IL1RAPL1: variants seen among roughly 807,000 people sequenced by gnomAD.
IL1RAPL1 encodes the protein interleukin-1 receptor accessory protein-like 1.
IL1RAPL1 carries 3 observed loss-of-function variants against 48.4 expected under a neutral mutation model. The observed-to-expected ratio is 0.06, with a 90% CI of 0.03 to 0.16. The LOEUF is 0.16. Ranked by LOEUF, IL1RAPL1 falls within the 10% of genes least tolerant of loss-of-function variation. The pLI, the probability that IL1RAPL1 is intolerant of heterozygous loss-of-function variation, is 1.00. For synonymous variants in IL1RAPL1, 185 were observed against 187.7 expected (o/e 0.99, Z 0.12); for missense variants, 349 against 530.6 (o/e 0.66, Z 3.36).
intron 6 of IL1RAPL1, among the ~76,000 whole-genome samples, chrX:29,879,127 A>G (rs1299920377): frequency 1.8e-5 from 2 of 111,536 alleles, no homozygotes; most frequent in Non-Finnish European, 3.8e-5. Flanking sequence ...GATCTCAAAG[A>G]CATTAGGATG....
intron 2 of IL1RAPL1, among the ~76,000 whole-genome samples, chrX:29,133,743 A>G (rs1306368679): frequency 5.4e-5 from 6 of 111,836 alleles, no homozygotes; most frequent in Admixed American, 2.9e-4. Flanking sequence ...GTACAATTCT[A>G]TGCATTTTGA....
rs1468650976 is a variant in IL1RAPL1 at position 28,643,447 on chromosome X, C to T, written c.-25+55400C>T. The stretch of plus-strand genomic sequence containing the variant: ...CACGTCTACAATATCCTATTAGTTA[C>T]AAGATGAAACCTATTCAATGTGTGA... On this transcript the variant is annotated intron_variant, in intron 1 of 10. Transcript: ENST00000378993. Among the ~76,000 whole-genome samples, 44 of 111,179 alleles carry T rather than the reference C, an allele frequency of 4.0e-4. 1 individual carries two copies. The highest frequency in any genetic ancestry group is 1.9e-5 in the Non-Finnish European group (1 of 53,044).
intron 2 of IL1RAPL1, among the ~76,000 whole-genome samples, chrX:28,937,020 C>G (rs1457813182): frequency 9.0e-6 from 1 of 111,015 alleles, no homozygotes; most frequent in Non-Finnish European, 1.9e-5. Context: ...CTAGCATAGT[C>G]ATTTATGCAG....
At chrX:29,911,559 C>T (rs1406462876) in intron 6 of IL1RAPL1, among the ~76,000 whole-genome samples, 1 of 111,975 alleles carries the variant, frequency 8.9e-6, no homozygotes, top group Non-Finnish European at 1.9e-5. Context: ...TAACACTTGG[C>T]TCTAAATGTA....
At chrX:29,100,883 A>G (rs1220226400) in intron 2 of IL1RAPL1, among the ~76,000 whole-genome samples, 1 of 112,250 alleles carries the variant, frequency 8.9e-6, no homozygotes, top group Non-Finnish European at 1.9e-5. Context: ...CTCAATAAAT[A>G]GTAACTATTA....
chrX:29,807,385 C>T (rs1215556794), intron 6 of IL1RAPL1, among the ~76,000 whole-genome samples: 2 of 108,859 alleles, frequency 1.8e-5, no homozygotes, highest in Non-Finnish European at 3.8e-5. Flanking sequence ...GAGGCTGAGA[C>T]GGGCAAATCA....
chrX:29,597,342 G>A (rs1342568248), intron 5 of IL1RAPL1, among the ~76,000 whole-genome samples: 6 of 109,583 alleles, frequency 5.5e-5, no homozygotes, highest in Non-Finnish European at 7.6e-5. Context: ...TAGTAGAGAC[G>A]GGGTTTCTCC....
At chrX:29,025,043 T>C (rs766451879) in intron 2 of IL1RAPL1, among the ~76,000 whole-genome samples, 1 of 111,890 alleles carries the variant, frequency 8.9e-6, no homozygotes, top group South Asian at 3.7e-4. Flanking sequence ...GGATATTTCA[T>C]ATAAATGAAA....
At chrX:28,905,232 T>G (rs1923187122) in intron 2 of IL1RAPL1, among the ~76,000 whole-genome samples, 1 of 111,503 alleles carries the variant, frequency 9.0e-6, no homozygotes, top group African/African-American at 3.2e-5. Context: ...ATACTTATAT[T>G]ATTTTCAGGT....
chrX:29,950,649 C>A (rs1261887065), intron 9 of IL1RAPL1, among the ~76,000 whole-genome samples: 3 of 108,683 alleles, frequency 2.8e-5, no homozygotes, highest in Non-Finnish European at 5.7e-5. Context: ...TTCCTAGAGG[C>A]ATTTACACAG....
intron 5 of IL1RAPL1, among the ~76,000 whole-genome samples, chrX:29,480,659 A>G (rs1225378768): frequency 9.0e-6 from 1 of 110,739 alleles, no homozygotes; most frequent in East Asian, 2.8e-4. Flanking sequence ...ATTTTATGTA[A>G]AAAGTAAACA....
At chrX:29,532,019 A>G (rs954487936) in intron 5 of IL1RAPL1, among the ~76,000 whole-genome samples, 1 of 112,075 alleles carries the variant, frequency 8.9e-6, no homozygotes, top group Non-Finnish European at 1.9e-5. Context: ...ATTTCAACAT[A>G]TCTTCGCGGG....
intron 5 of IL1RAPL1, among the ~76,000 whole-genome samples, chrX:29,482,436 A>T (rs1034159252): frequency 8.9e-6 from 1 of 112,292 alleles, no homozygotes; most frequent in Non-Finnish European, 1.9e-5. Context: ...TTAATCACTT[A>T]GACTTAAGCT....
At chrX:29,136,820 A>C (rs1023013331) in intron 2 of IL1RAPL1, among the ~76,000 whole-genome samples, 5 of 112,084 alleles carry the variant, frequency 4.5e-5, no homozygotes, top group Non-Finnish European at 7.5e-5. Flanking sequence ...GCAAATGTTC[A>C]ATATAGTTTG....
At chrX:29,526,511 T>G (rs1478937900) in intron 5 of IL1RAPL1, among the ~76,000 whole-genome samples, 1 of 111,819 alleles carries the variant, frequency 8.9e-6, no homozygotes, top group Non-Finnish European at 1.9e-5. Context: ...TGGAAAACCC[T>G]AGAGAATAAA....
At chrX:29,667,635 T>C (rs778331590) in intron 5 of IL1RAPL1, among the ~76,000 whole-genome samples, 18 of 111,985 alleles carry the variant, frequency 1.6e-4, no homozygotes, top group Non-Finnish European at 3.2e-4. Flanking sequence ...TAGTCTAGTT[T>C]AGCTAGGAAT....
intron 5 of IL1RAPL1, among the ~76,000 whole-genome samples, chrX:29,533,832 A>C (rs899421032): frequency 8.9e-6 from 1 of 111,770 alleles, no homozygotes. Context: ...GCTTATTTTC[A>C]TAGATAATCC....
At chrX:29,702,186 G>A (rs1452087252) in intron 6 of IL1RAPL1, among the ~76,000 whole-genome samples, 3 of 109,138 alleles carry the variant, frequency 2.7e-5, no homozygotes, top group Admixed American at 9.7e-5. Context: ...ACCCGGGGAC[G>A]GAGGTTGCAG....
chrX:28,959,200 T>TC (rs58395926), intron 2 of IL1RAPL1, among the ~76,000 whole-genome samples: 1 of 110,997 alleles, frequency 9.0e-6, no homozygotes, highest in East Asian at 2.8e-4. Flanking sequence ...ACATATTTCT[T>TC]ATTTAAAATA....
Sources: allele counts gnomAD v4.1 joint callset (sites outside exome capture counted in the v4.1 genomes callset), GRCh38; gene constraint gnomAD v4.1.1; transcripts MANE v1.5; gene names NCBI Gene and HGNC (gene_info 2026-07-23, HGNC 2026-07-21).